CACNA2D1: variants seen among roughly 807,000 people sequenced by gnomAD.
CACNA2D1 encodes the protein calcium voltage-gated channel auxiliary subunit alpha2delta 1.
A neutral mutation model predicts 171.5 loss-of-function variants in CACNA2D1; 53 were observed. The observed-to-expected ratio is 0.31, with a 90% CI of 0.25 to 0.39. The LOEUF is 0.39. CACNA2D1 is among the 10% of genes least tolerant of loss of function. The pLI is 1.00. For missense variants in CACNA2D1, 903 were observed against 1,299.8 expected (o/e 0.69, Z 4.69); for synonymous variants, 442 against 443.1 (o/e 1.00, Z 0.03).
intron 2 of CACNA2D1, among the ~76,000 whole-genome samples, chr7:82,346,940 T>C (rs970135303): frequency 6.6e-5 from 10 of 152,226 alleles, no homozygotes; most frequent in African/African-American, 2.4e-4. Flanking sequence ...TTAATAGTTG[T>C]GTAACTTAGA....
chr7:82,332,297 G>A (rs1275441515), intron 3 of CACNA2D1, among the ~76,000 whole-genome samples: 1 of 151,896 alleles, frequency 6.6e-6, no homozygotes, highest in African/African-American at 2.4e-5. Flanking sequence ...CCTGACCTCA[G>A]CTCCCACCTC....
chr7:82,256,547 A>G (rs1806334582), intron 3 of CACNA2D1, among the ~76,000 whole-genome samples: 1 of 152,218 alleles, frequency 6.6e-6, no homozygotes, highest in Non-Finnish European at 1.5e-5. Context: ...TGGTGTAGGA[A>G]AATACAGGCA....
intron 1 of CACNA2D1, among the ~76,000 whole-genome samples, chr7:82,393,095 C>A (rs182049391): frequency 0.022 from 1,700 of 78,968 alleles, 26 homozygotes; most frequent in African/African-American, 0.071. Context: ...GGCAGGCAGG[C>A]AGGCAGGCAG....
At chr7:82,355,737 A>G (rs959644001) in intron 1 of CACNA2D1, among the ~76,000 whole-genome samples, 2 of 151,960 alleles carry the variant, frequency 1.3e-5, no homozygotes, top group African/African-American at 4.8e-5. Context: ...AGCCAAATAT[A>G]GTCATTTCTC....
chr7:82,357,264 GA>G (rs933550127), intron 1 of CACNA2D1, among the ~76,000 whole-genome samples: 19 of 151,716 alleles, frequency 1.3e-4, no homozygotes, highest in African/African-American at 4.6e-4. Flanking sequence ...TTTTCAAAAC[GA>G]AAAAAATATG....
intron 12 of CACNA2D1, chr7:82,027,826 A>G (rs1253703636): frequency 2.0e-5 from 3 of 151,770 alleles, no homozygotes; most frequent in Non-Finnish European, 4.4e-5. Flanking sequence ...CAGTGAATAT[A>G]GTGATATCAT....
intron 3 of CACNA2D1, among the ~76,000 whole-genome samples, chr7:82,195,433 T>C (rs1003680671): frequency 6.6e-6 from 1 of 152,032 alleles, no homozygotes; most frequent in Non-Finnish European, 1.5e-5. Flanking sequence ...CAGCACAGAT[T>C]GGAGATTGGA....
At chr7:82,322,804 C>T (rs1254608324) in intron 3 of CACNA2D1, among the ~76,000 whole-genome samples, 1 of 152,026 alleles carries the variant, frequency 6.6e-6, no homozygotes, top group Non-Finnish European at 1.5e-5. Context: ...AGAACAGATG[C>T]AAAGAACACC....
At chr7:82,083,202 T>C (rs1477788480) in intron 7 of CACNA2D1, among the ~76,000 whole-genome samples, 7 of 152,178 alleles carry the variant, frequency 4.6e-5, no homozygotes, top group Admixed American at 2.0e-4. Context: ...TGATAAAGGA[T>C]ATATGAAAAG....
At chr7:81,954,272 C>T (rs1792950811) in intron 38 of CACNA2D1, among the ~76,000 whole-genome samples, 1 of 151,694 alleles carries the variant, frequency 6.6e-6, no homozygotes, top group Non-Finnish European at 1.5e-5. Context: ...CAGTTTAGAA[C>T]ATTAAAATGG....
intron 3 of CACNA2D1, among the ~76,000 whole-genome samples, chr7:82,260,173 G>A (rs556354614): frequency 6.6e-6 from 1 of 152,242 alleles, no homozygotes; most frequent in South Asian, 2.1e-4. Flanking sequence ...ACTGAGCCAA[G>A]ATCATAGCAT....
Position 82,111,395 on chromosome 7 carries a change from T to A in CACNA2D1, c.526+5649A>T, listed in dbSNP as rs187669995. On this transcript the variant is annotated intron_variant, in intron 6 of 38. Transcript: ENST00000356860. Reference sequence around the variant, plus strand: ...ATATATTCATATATGTGTATATATGTATATATATATTCATATATGTGTATA... The same window carrying A: ...ATATATTCATATATGTGTATATATGAATATATATATTCATATATGTGTATA... Among the ~76,000 whole-genome samples the A allele has an allele frequency of 9.3e-4, 87 of 93,390 alleles. 2 individuals carry two copies. The highest frequency in any genetic ancestry group is 2.8e-3 in the African/African-American group (76 of 27,290). 61.3% of individuals were successfully genotyped at this position (93,390 alleles called of 152,430 possible).
In CACNA2D1 at chr7:81,946,727, G is replaced by A. The variant is rs569862151; in HGVS notation, c.*3665C>T. On this transcript the variant is annotated 3_prime_UTR_variant, in exon 39 of 39. Coordinates refer to ENST00000356860, the MANE Select transcript of CACNA2D1 (RefSeq NM_000722.4). ...GACACTCATACAACACAACAAAAAA[G>A]ACAGCTTTACTAGGTCACATTATAA... 1 of 152,042 alleles carries A rather than the reference G, an allele frequency of 6.6e-6. No homozygotes were observed. Among genetic ancestry groups the A allele is most frequent in the Admixed American group, 6.6e-5 (1 of 15,242 alleles). 9.4% of individuals were successfully genotyped at this position (152,042 alleles called of 1,614,324 possible).
At position 82,265,272 on chromosome 7, in the gene CACNA2D1, C is replaced by T. The variant is rs28628101; in HGVS notation, c.294+69863G>A. Among the ~76,000 whole-genome samples, 230 of 152,278 alleles carry T rather than the reference C, an allele frequency of 1.5e-3. 1 individual carries two copies. Among genetic ancestry groups the T allele is most frequent in the African/African-American group, 4.9e-3 (203 of 41,544 alleles). On this transcript the variant is annotated intron_variant, in intron 3 of 38. Transcript: ENST00000356860. ...GCTCATTAGAACCAAAGCACTATTT[C>T]TCAGATTGAAATGCTGAATCTCACT...
chr7:81,986,531 A>G (rs553168097), intron 21 of CACNA2D1, among the ~76,000 whole-genome samples: 1 of 114,724 alleles, frequency 8.7e-6, no homozygotes, highest in African/African-American at 4.1e-5. Flanking sequence ...AAAATTTCAT[A>G]TGACTATAAA....
At chr7:81,965,756 A>T in intron 31 of CACNA2D1, 91 bp from the exon 32 acceptor site, 1 of 790,508 alleles carries the variant, frequency 1.3e-6, no homozygotes, top group Non-Finnish European at 2.3e-6. Context: ...TTAGAGCAAT[A>T]AAAATAGAAA....
chr7:82,393,083 A>AAGGAAGGAAGGAAGGAAGGAAGGC (rs1208617777), intron 1 of CACNA2D1, among the ~76,000 whole-genome samples: 42 of 82,392 alleles, frequency 5.1e-4, no homozygotes, highest in Admixed American at 9.6e-4. Context: ...GGAAGGAAGG[A>AAGGAAGGAAGGAAGGAAGGAAGGC]AGGCAGGCAG....
At position 81,961,991 on chromosome 7, in the gene CACNA2D1, G is replaced by A. The variant is rs767963200; in HGVS notation, c.2869C>T (p.Leu957=). ...TCAGTAATGCAGCTCTGCTTGGACA[G>A]GGAGGCCGTGAAGTCATCATCCTCC... ...EMEDDDFTAS[L]SKQSCITEQT... is the part of the protein sequence containing the mutation. Residue 957 remains leucine (L), a synonymous_variant, in exon 36 of 39, where the codon CTG becomes TTG. Transcript: ENST00000356860. 14 of 1,612,238 alleles carry A rather than the reference G, an allele frequency of 8.7e-6. No individual in the cohort carries two copies. In the East Asian group the frequency reaches 1.6e-4, roughly 18 times the overall value.
chr7:82,168,707 AAAC>A (rs757904400), intron 4 of CACNA2D1, among the ~76,000 whole-genome samples: 5 of 124,018 alleles, frequency 4.0e-5, no homozygotes, highest in South Asian at 2.5e-4. Context: ...TAGTTAAATG[AAAC>A]AACAATGATA....
Sources: allele counts gnomAD v4.1 joint callset (sites outside exome capture counted in the v4.1 genomes callset), GRCh38; gene constraint gnomAD v4.1.1; transcripts MANE v1.5; gene names NCBI Gene and HGNC (gene_info 2026-07-23, HGNC 2026-07-21).